The following URI1 variants were observed in gnomAD, a reference collection of about 807,000 sequenced individuals.
URI1 encodes the protein URI1 prefoldin like chaperone.
In URI1, 39 loss-of-function variants were observed where a neutral mutation model predicts 60.2. That is an observed-to-expected ratio of 0.65 (90% CI 0.50 to 0.85). The LOEUF (loss-of-function observed/expected upper bound fraction) is 0.85. Ranked by LOEUF, URI1 falls within the 40% of genes least tolerant of loss-of-function variation. The pLI is 0.00. For synonymous variants in URI1, 251 were observed against 236.8 expected (o/e 1.06, Z -0.55); for missense variants, 691 against 665.9 (o/e 1.04, Z -0.42).
intron 1 of URI1, among the ~76,000 whole-genome samples, chr19:29,949,662 C>T (rs1024323456): frequency 5.3e-5 from 8 of 152,196 alleles, no homozygotes; most frequent in African/African-American, 1.9e-4. Flanking sequence ...AATCCCGGCA[C>T]GTCGGGGGGC....
chr19:29,968,824 G>C (rs545273303), intron 1 of URI1, among the ~76,000 whole-genome samples: 18 of 151,798 alleles, frequency 1.2e-4, no homozygotes, highest in African/African-American at 4.3e-4. Context: ...ACCCACCTCA[G>C]CCTCCCAAAG....
At chr19:29,987,281 C>T (rs575633151) in intron 4 of URI1, among the ~76,000 whole-genome samples, 7 of 152,064 alleles carry the variant, frequency 4.6e-5, no homozygotes, top group Non-Finnish European at 1.0e-4. Flanking sequence ...CAGAAAACAG[C>T]TGAGTTTTCT....
At chr19:29,950,121 C>T (rs949091677) in intron 1 of URI1, among the ~76,000 whole-genome samples, 1 of 152,044 alleles carries the variant, frequency 6.6e-6, no homozygotes, top group Non-Finnish European at 1.5e-5. Flanking sequence ...AGTAATGTGC[C>T]ATAAGAAGAG....
chr19:29,945,085 C>T (rs560706271), intron 1 of URI1, among the ~76,000 whole-genome samples: 1 of 151,904 alleles, frequency 6.6e-6, no homozygotes, highest in Non-Finnish European at 1.5e-5. Context: ...CTTTTAAGCT[C>T]TTGGCCTTTC....
chr19:29,941,933 G>C (rs2055028425), upstream of URI1, among the ~76,000 whole-genome samples: 1 of 151,720 alleles, frequency 6.6e-6, no homozygotes, highest in African/African-American at 2.4e-5. Context: ...GGCGACACGC[G>C]GCTCTTGTTG....
At chr19:29,997,877 G>A (rs1197529493) in intron 4 of URI1, among the ~76,000 whole-genome samples, 1 of 152,032 alleles carries the variant, frequency 6.6e-6, no homozygotes, top group African/African-American at 2.4e-5. Context: ...GGATTCTTCT[G>A]CCTCAGCCTC....
At chr19:29,962,784 G>A (rs943691487) in intron 1 of URI1, among the ~76,000 whole-genome samples, 4 of 151,860 alleles carry the variant, frequency 2.6e-5, no homozygotes, top group African/African-American at 4.8e-5. Context: ...TTAATAAACC[G>A]TATTTCTTTT....
chr19:30,007,773 C>A (rs1599724649), intron 7 of URI1, 135 bp downstream of exon 7: 1 of 715,798 alleles, frequency 1.4e-6, no homozygotes, highest in Non-Finnish European at 2.1e-6. Context: ...TATCAATAAT[C>A]CTTTCACCTC....
intron 1 of URI1, among the ~76,000 whole-genome samples, chr19:29,955,137 T>A (rs571870150): frequency 0.014 from 2,080 of 151,060 alleles, 49 homozygotes; most frequent in African/African-American, 0.047. Context: ...TTTTTTTTTT[T>A]AATTTTTTAG....
At chr19:29,942,136 G>A (rs1175957161), upstream of URI1, 1 of 872,234 alleles carries the variant, frequency 1.1e-6, no homozygotes, top group Non-Finnish European at 1.4e-6. Context: ...CAGCCACGCG[G>A]TTCGCATCAA....
chr19:29,993,675 A>T (rs930325779), intron 4 of URI1, among the ~76,000 whole-genome samples: 6 of 151,994 alleles, frequency 3.9e-5, no homozygotes, highest in Non-Finnish European at 7.4e-5. Context: ...TTTAAAAATT[A>T]TTTTTTTAGT....
intron 1 of URI1, among the ~76,000 whole-genome samples, chr19:29,924,896 T>C (rs1599640903): frequency 6.8e-6 from 1 of 146,428 alleles, no homozygotes; most frequent in Non-Finnish European, 1.5e-5. Flanking sequence ...AGTGCAACAG[T>C]GTGATCTCGG....
At chr19:29,951,749 T>C (rs549056030) in intron 1 of URI1, among the ~76,000 whole-genome samples, 1 of 152,180 alleles carries the variant, frequency 6.6e-6, no homozygotes, top group Non-Finnish European at 1.5e-5. Context: ...GGTTTCACCA[T>C]GTTGGCCAGG....
chr19:29,954,490 TTA>T (rs1316538925), intron 1 of URI1, among the ~76,000 whole-genome samples: 8 of 151,586 alleles, frequency 5.3e-5, no homozygotes, highest in African/African-American at 1.5e-4. Context: ...ATTCCTGCTC[TTA>T]CTTACCCCTA....
chr19:30,008,107 T>G (rs192828083), intron 7 of URI1, among the ~76,000 whole-genome samples: 3 of 152,156 alleles, frequency 2.0e-5, no homozygotes, highest in Non-Finnish European at 2.9e-5. Flanking sequence ...TTATAAACTT[T>G]GGAGCAGGTA....
chr19:30,008,557 G>A (rs1424307705), intron 7 of URI1, among the ~76,000 whole-genome samples: 1 of 151,914 alleles, frequency 6.6e-6, no homozygotes, highest in Non-Finnish European at 1.5e-5. Context: ...ATATATTCGT[G>A]TGCATATGTA....
intron 1 of URI1, among the ~76,000 whole-genome samples, chr19:29,953,148 A>G (rs1052527269): frequency 5.9e-5 from 9 of 152,184 alleles, no homozygotes; most frequent in African/African-American, 2.2e-4. Context: ...CTCTCATTTC[A>G]CCATCACGAG....
chr19:29,929,851 T>C (rs2054901342), intron 1 of URI1, among the ~76,000 whole-genome samples: 1 of 151,972 alleles, frequency 6.6e-6, no homozygotes. Flanking sequence ...TATATATGCT[T>C]GATATTAAAC....
intron 1 of URI1, among the ~76,000 whole-genome samples, chr19:29,962,402 C>CTTTTTTTTTTTTTTT (rs11331580): frequency 8.1e-6 from 1 of 123,480 alleles, no homozygotes; most frequent in Non-Finnish European, 1.7e-5. Context: ...TTTATAGTAT[C>CTTTTTTTTTTTTTTT]TTTTTTTTTT....
Sources: allele counts gnomAD v4.1 joint callset (sites outside exome capture counted in the v4.1 genomes callset), GRCh38; gene constraint gnomAD v4.1.1; transcripts MANE v1.5; gene names NCBI Gene and HGNC (gene_info 2026-07-23, HGNC 2026-07-21).